Variants in ENKUR observed in about 807,000 individuals in gnomAD.
ENKUR encodes enkurin, TRPC channel interacting protein.
A neutral mutation model predicts 27.6 loss-of-function variants in ENKUR; 19 were observed. The ratio of observed to expected loss-of-function variants is 0.69; its 90% CI spans 0.48 to 1.01. The LOEUF (loss-of-function observed/expected upper bound fraction) is 1.01, where lower values mean the gene tolerates loss of function less well. Ranked by LOEUF, ENKUR falls within the 50% of genes least tolerant of loss-of-function variation. The pLI is 0.00. For missense variants in ENKUR, 312 were observed against 310.5 expected (o/e 1.00, Z -0.04); for synonymous variants, 117 against 96.9 (o/e 1.21, Z -1.22).
chr10:24,990,319 G>C (rs1196451961), intron 4 of ENKUR, 144 bp downstream of exon 4: 65 of 1,000,618 alleles, frequency 6.5e-5, no homozygotes, highest in Non-Finnish European at 8.6e-5. Flanking sequence ...CAGCTTTGCT[G>C]TATGTAGTTT....
upstream of ENKUR, among the ~76,000 whole-genome samples, chr10:25,020,276 A>ATATC (rs58705370): frequency 2.2e-3 from 330 of 149,474 alleles, 1 homozygote; most frequent in East Asian, 4.6e-3. Flanking sequence ...ATCTATATCT[A>ATATC]TATATATCTA....
intron 1 of ENKUR, among the ~76,000 whole-genome samples, chr10:25,009,178 C>T (rs1313427871): frequency 6.6e-6 from 1 of 152,032 alleles, no homozygotes; most frequent in African/African-American, 2.4e-5. Context: ...ATGGGTGCAA[C>T]ACACCAACAT....
At chr10:25,060,333 T>TC (rs1851312629) in intron 2 of ENKUR, among the ~76,000 whole-genome samples, 1 of 152,098 alleles carries the variant, frequency 6.6e-6, no homozygotes, top group South Asian at 2.1e-4. Context: ...TAACACACAC[T>TC]CCAACAGGGA....
intron 2 of ENKUR, among the ~76,000 whole-genome samples, chr10:25,057,352 G>A (rs1685615107): frequency 7.2e-6 from 1 of 139,510 alleles, no homozygotes; most frequent in Non-Finnish European, 1.5e-5. Context: ...ACTAAGATAT[G>A]TAATCAGCTT....
intron 2 of ENKUR, among the ~76,000 whole-genome samples, chr10:24,996,436 ATGTGTG>A (rs150948274): frequency 1.3e-5 from 2 of 148,516 alleles, no homozygotes; most frequent in South Asian, 4.3e-4. Flanking sequence ...AAGATCATAT[ATGTGTG>A]TGTGTGTGTG....
chr10:25,039,631 T>TG (rs1851040115), intron 2 of ENKUR, among the ~76,000 whole-genome samples: 5 of 152,172 alleles, frequency 3.3e-5, no homozygotes, highest in African/African-American at 1.2e-4. Flanking sequence ...ACATTGCTTA[T>TG]TATCTAGCTA....
intron 3 of ENKUR, among the ~76,000 whole-genome samples, chr10:24,994,020 G>T (rs1464177177): frequency 6.6e-6 from 1 of 152,140 alleles, no homozygotes; most frequent in African/African-American, 2.4e-5. Context: ...GAAGGAGGAA[G>T]TACCTGGAGA....
chr10:25,006,221 T>C (rs1376867206), intron 1 of ENKUR, among the ~76,000 whole-genome samples: 2 of 152,218 alleles, frequency 1.3e-5, no homozygotes, highest in Non-Finnish European at 2.9e-5. Flanking sequence ...TGTTTAGTTA[T>C]GTTATCGTAC....
At chr10:24,994,969 T>C (rs1850013710) in intron 3 of ENKUR, among the ~76,000 whole-genome samples, 1 of 152,122 alleles carries the variant, frequency 6.6e-6, no homozygotes, top group Admixed American at 6.5e-5. Context: ...TGCAGTGAGC[T>C]GAGATTGCAC....
At chr10:25,001,175 A>G (rs764257754) in intron 1 of ENKUR, among the ~76,000 whole-genome samples, 1 of 151,970 alleles carries the variant, frequency 6.6e-6, no homozygotes, top group African/African-American at 2.4e-5. Context: ...TATAAGTCCA[A>G]ATTTCTAACT....
At chr10:25,025,099 G>C in intron 2 of ENKUR, 1 of 1,614,188 alleles carries the variant, frequency 6.2e-7, no homozygotes, top group Non-Finnish European at 8.5e-7. Context: ...AGAGTGCCTA[G>C]CAGCTATTAA....
intron 2 of ENKUR, chr10:25,023,741 T>C: frequency 2.5e-6 from 4 of 1,613,866 alleles, no homozygotes; most frequent in Non-Finnish European, 3.4e-6. Context: ...ACAGATAGGA[T>C]TGTAGGTCAG....
At chr10:25,042,949 C>A (rs1187199224) in intron 2 of ENKUR, among the ~76,000 whole-genome samples, 1 of 152,060 alleles carries the variant, frequency 6.6e-6, no homozygotes, top group African/African-American at 2.4e-5. Context: ...GGACAATCAG[C>A]AAAATTTGAG....
intron 1 of ENKUR, 59 bp downstream of exon 1, chr10:25,015,797 CTTAA>C (rs1850555572): frequency 9.2e-6 from 13 of 1,415,332 alleles, no homozygotes; most frequent in Non-Finnish European, 1.2e-5. Context: ...TATATGTATG[CTTAA>C]TTAATACTGA....
intron 2 of ENKUR, among the ~76,000 whole-genome samples, chr10:25,040,307 G>T (rs1016105689): frequency 1.3e-5 from 2 of 151,800 alleles, no homozygotes; most frequent in East Asian, 3.9e-4. Context: ...AAAGGTGTGT[G>T]GACTAGGGAG....
At chr10:25,042,655 T>C (rs1851077737) in intron 2 of ENKUR, among the ~76,000 whole-genome samples, 2 of 151,844 alleles carry the variant, frequency 1.3e-5, no homozygotes, top group Non-Finnish European at 2.9e-5. Flanking sequence ...ATCCTCAAGA[T>C]CATGAAAATT....
Position 24,984,125 on chromosome 10 carries a change from T to C in ENKUR, c.*245A>G, listed in dbSNP as rs773490803. On this transcript the variant is annotated 3_prime_UTR_variant, in exon 6 of 6. Transcript: ENST00000331161. ...CCTTTATAAGTTGTCATCTTGATTT[T>C]GTAAGTTGTCTTCTTAATTTTTCTT... 5 of 413,974 alleles carry C rather than the reference T, an allele frequency of 1.2e-5. No homozygotes were observed. Among genetic ancestry groups the C allele is most frequent in the Non-Finnish European group, 1.7e-5 (4 of 234,418 alleles). The allele number at this position is 413,974 out of a possible 1,614,324, so 25.6% of individuals were successfully genotyped here.
At chr10:24,992,013 G>A (rs1423496745) in intron 3 of ENKUR, among the ~76,000 whole-genome samples, 2 of 152,230 alleles carry the variant, frequency 1.3e-5, no homozygotes, top group East Asian at 3.9e-4. Flanking sequence ...TACACTCTGC[G>A]AGGGGAATAA....
At chr10:25,062,109 A>T (rs1057036501) in intron 1 of ENKUR, 2 of 152,148 alleles carry the variant, frequency 1.3e-5, no homozygotes, top group Non-Finnish European at 2.9e-5. Flanking sequence ...CTCATATTTA[A>T]TGTGGTTTTG....
Sources: gnomAD v4.1 joint callset for allele counts (sites outside exome capture counted in the v4.1 genomes callset) on GRCh38, gnomAD v4.1.1 for gene constraint, MANE v1.5 for transcripts, NCBI Gene and HGNC (gene_info 2026-07-23, HGNC 2026-07-21) for gene names.